Variants in TENM2 observed in about 807,000 individuals in gnomAD.
The protein encoded by TENM2 is teneurin-2.
TENM2 carries 52 observed loss-of-function variants against 245.2 expected under a neutral mutation model. The ratio of observed to expected loss-of-function variants is 0.21; its 90% confidence interval spans 0.17 to 0.27. TENM2 has a LOEUF of 0.27. Ranked by LOEUF, TENM2 falls within the 10% of genes least tolerant of loss-of-function variation. The pLI, the probability that TENM2 is intolerant of heterozygous loss-of-function variation, is 1.00. For missense variants in TENM2, 3,046 were observed against 3,666.8 expected (o/e 0.83, Z 4.37); for synonymous variants, 1,363 against 1,438.9 (o/e 0.95, Z 1.19).
intron 14 of TENM2, among the ~76,000 whole-genome samples, chr5:168,193,123 C>T (rs1206727370): frequency 6.6e-6 from 1 of 152,202 alleles, no homozygotes; most frequent in African/African-American, 2.4e-5. Context: ...GTCTCGGAAG[C>T]TTTAAATGTA....
chr5:167,283,356 T>G (rs1771163493), upstream of TENM2, among the ~76,000 whole-genome samples: 1 of 152,110 alleles, frequency 6.6e-6, no homozygotes, highest in African/African-American at 2.4e-5. Flanking sequence ...CTCTTTTTCA[T>G]TGCCAAGTGT....
At chr5:168,087,876 C>T (rs898575759) in intron 7 of TENM2, among the ~76,000 whole-genome samples, 1 of 152,110 alleles carries the variant, frequency 6.6e-6, no homozygotes, top group African/African-American at 2.4e-5. Context: ...CATATCATAT[C>T]AGAGTCAAGA....
At chr5:167,499,305 G>C (rs1769020730) in intron 2 of TENM2, among the ~76,000 whole-genome samples, 4 of 152,186 alleles carry the variant, frequency 2.6e-5, no homozygotes, top group Non-Finnish European at 4.4e-5. Flanking sequence ...GTTGAGCAAA[G>C]GGGAACTTAG....
At chr5:167,198,502 A>T in the TENM2 span, among the ~76,000 whole-genome samples, 1 of 152,064 alleles carries the variant, frequency 6.6e-6, no homozygotes, top group Admixed American at 6.6e-5. Context: ...CCACAAAATG[A>T]TCTGGCCTGT....
chr5:167,986,091 T>C (rs1051696345), intron 4 of TENM2, among the ~76,000 whole-genome samples: 1 of 152,212 alleles, frequency 6.6e-6, no homozygotes, highest in Non-Finnish European at 1.5e-5. Context: ...CATGGTTGTT[T>C]AATCAGAGAC....
chr5:167,831,078 C>T (rs1405920245), intron 2 of TENM2, among the ~76,000 whole-genome samples: 2 of 152,112 alleles, frequency 1.3e-5, no homozygotes, highest in African/African-American at 2.4e-5. Context: ...AGTACAGCTC[C>T]GTGTTCTTCT....
the TENM2 span, among the ~76,000 whole-genome samples, chr5:167,265,928 C>T: frequency 6.6e-6 from 1 of 151,750 alleles, no homozygotes; most frequent in South Asian, 2.1e-4. Flanking sequence ...TTATGGAAGC[C>T]AAGTGGTCTC....
chr5:167,546,129 T>G (rs114517914), intron 2 of TENM2, among the ~76,000 whole-genome samples: 2,044 of 152,264 alleles, frequency 0.013, 50 homozygotes, highest in African/African-American at 0.046. Flanking sequence ...ATTCATAGGC[T>G]AGAAAGTGGT....
intron 1 of TENM2, among the ~76,000 whole-genome samples, chr5:167,352,658 G>A (rs17068360): frequency 3.4e-4 from 52 of 152,112 alleles, no homozygotes; most frequent in African/African-American, 1.2e-3. Context: ...GATCTACATA[G>A]CAACAATACA....
At chr5:168,200,964 C>G (rs1562274710) in intron 17 of TENM2, among the ~76,000 whole-genome samples, 1 of 152,162 alleles carries the variant, frequency 6.6e-6, no homozygotes, top group Non-Finnish European at 1.5e-5. Context: ...CAGAAATTTT[C>G]ACTATAATTG....
intron 2 of TENM2, among the ~76,000 whole-genome samples, chr5:167,433,501 T>C (rs942354126): frequency 6.6e-6 from 1 of 152,180 alleles, no homozygotes; most frequent in Non-Finnish European, 1.5e-5. Flanking sequence ...TCTTATGCTT[T>C]TTATTGCTGT....
chr5:167,241,181 C>T, the TENM2 span, among the ~76,000 whole-genome samples: 14 of 152,148 alleles, frequency 9.2e-5, no homozygotes, highest in Admixed American at 1.3e-4. Context: ...TTCATTCATT[C>T]AGCTACTATT....
chr5:167,263,892 T>A, the TENM2 span, among the ~76,000 whole-genome samples: 1 of 151,726 alleles, frequency 6.6e-6, no homozygotes, highest in Non-Finnish European at 1.5e-5. Flanking sequence ...TCACTTGAGG[T>A]CAGGAGTTTG....
chr5:167,279,540 TCC>T, the TENM2 span, among the ~76,000 whole-genome samples: 1 of 146,808 alleles, frequency 6.8e-6, no homozygotes, highest in African/African-American at 2.5e-5. Context: ...CTTCCTTCCT[TCC>T]TTCCTTCCTT....
At chr5:167,632,500 C>T (rs1271290054) in intron 2 of TENM2, among the ~76,000 whole-genome samples, 6 of 152,102 alleles carry the variant, frequency 3.9e-5, no homozygotes, top group Admixed American at 1.3e-4. Context: ...CAGCCATTGC[C>T]GCCATATTTA....
At chr5:167,363,895 A>G (rs549353823) in intron 1 of TENM2, among the ~76,000 whole-genome samples, 2 of 152,184 alleles carry the variant, frequency 1.3e-5, no homozygotes, top group South Asian at 4.1e-4. Context: ...AGAAAAACTA[A>G]ACAACAATTG....
chr5:167,933,428 A>T (rs1271007516), intron 3 of TENM2, among the ~76,000 whole-genome samples: 1 of 152,198 alleles, frequency 6.6e-6, no homozygotes, highest in Non-Finnish European at 1.5e-5. Context: ...AAGGAAATAC[A>T]CAGCTATATG....
chr5:167,933,225 G>C (rs1305618183), intron 3 of TENM2, among the ~76,000 whole-genome samples: 1 of 152,144 alleles, frequency 6.6e-6, no homozygotes, highest in African/African-American at 2.4e-5. Flanking sequence ...TCTATACTTT[G>C]TTAGGCCTTC....
intron 3 of TENM2, among the ~76,000 whole-genome samples, chr5:167,896,399 C>G (rs866873255): frequency 2.6e-5 from 4 of 152,174 alleles, no homozygotes; most frequent in Middle Eastern, 3.2e-3. Flanking sequence ...TGTGAAGGCC[C>G]TTGTCTGCCT....
Sources: gnomAD v4.1 joint callset for allele counts (sites outside exome capture counted in the v4.1 genomes callset) on GRCh38, gnomAD v4.1.1 for gene constraint, MANE v1.5 for transcripts, NCBI Gene and HGNC (gene_info 2026-07-23, HGNC 2026-07-21) for gene names.